Variants in TIAM1 observed in about 807,000 individuals in gnomAD.
The protein encoded by TIAM1 is rho guanine nucleotide exchange factor TIAM1.
A neutral mutation model predicts 163.5 loss-of-function variants in TIAM1; 65 were observed. The ratio of observed to expected loss-of-function variants is 0.40; its 90% CI spans 0.33 to 0.49. TIAM1 has a LOEUF of 0.49. Among genes scored for constraint, TIAM1 ranks in the 20% least tolerant of loss-of-function variants. The pLI is 0.77. For synonymous variants in TIAM1, 833 were observed against 810.1 expected (o/e 1.03, Z -0.48); for missense variants, 1,789 against 2,044.7 (o/e 0.87, Z 2.41).
At chr21:31,144,830 G>GAAAAAAAAA (rs764835303) in intron 20 of TIAM1, among the ~76,000 whole-genome samples, 190 of 74,468 alleles carry the variant, frequency 2.6e-3, no homozygotes, top group South Asian at 3.6e-3. Context: ...CTCCATCTCA[G>GAAAAAAAAA]AAAAAAAAAA....
intron 2 of TIAM1, among the ~76,000 whole-genome samples, chr21:31,407,340 T>A (rs1316671327): frequency 6.6e-6 from 1 of 152,132 alleles, no homozygotes; most frequent in Non-Finnish European, 1.5e-5. Context: ...ATTTTATTAA[T>A]TTACACACCA....
At chr21:31,516,178 AAGGCAGGCAGATC>A (rs2047376321) in intron 1 of TIAM1, among the ~76,000 whole-genome samples, 1 of 151,704 alleles carries the variant, frequency 6.6e-6, no homozygotes, top group Non-Finnish European at 1.5e-5. Context: ...CTGAGAGGCC[AAGGCAGGCAGATC>A]ACCTGAGGCC....
At chr21:31,391,647 G>A (rs571273065) in intron 2 of TIAM1, among the ~76,000 whole-genome samples, 130 of 152,046 alleles carry the variant, frequency 8.6e-4, no homozygotes, top group Non-Finnish European at 1.2e-3. Context: ...ACAAAACAAC[G>A]GAAAGTCTAT....
chr21:31,325,488 C>T (rs2075455718), intron 2 of TIAM1, among the ~76,000 whole-genome samples: 1 of 151,816 alleles, frequency 6.6e-6, no homozygotes, highest in East Asian at 1.9e-4. Flanking sequence ...GCCAACACGG[C>T]AAAACCCTGT....
intron 6 of TIAM1, among the ~76,000 whole-genome samples, chr21:31,241,052 C>T (rs2071146749): frequency 1.3e-5 from 2 of 152,208 alleles, no homozygotes; most frequent in Admixed American, 1.3e-4. Context: ...CACATGCTCT[C>T]TCTTGTCTGC....
intron 2 of TIAM1, among the ~76,000 whole-genome samples, chr21:31,279,431 A>C (rs934538277): frequency 1.3e-5 from 2 of 152,150 alleles, no homozygotes; most frequent in African/African-American, 4.8e-5. Flanking sequence ...AACTATCAGT[A>C]CTCTGGGTTT....
intron 1 of TIAM1, among the ~76,000 whole-genome samples, chr21:31,535,158 G>GA (rs1185534596): frequency 6.6e-6 from 1 of 151,466 alleles, no homozygotes; most frequent in Non-Finnish European, 1.5e-5. Flanking sequence ...CAAGGCAGGC[G>GA]AATCACAAGG....
intron 22 of TIAM1, among the ~76,000 whole-genome samples, chr21:31,137,983 G>A (rs2082690350): frequency 6.6e-6 from 1 of 151,320 alleles, no homozygotes; most frequent in Non-Finnish European, 1.5e-5. Flanking sequence ...GTTTTTCTCT[G>A]GACAAGCTTC....
chr21:31,120,750 CT>C lies in TIAM1; in HGVS notation c.4393del (p.Ser1465AlafsTer20). Reference sequence around the variant, plus strand: ...CTGCTGGGACTCTTTCTCCGGGCTGCTTGCGGAGACGGCATCAGAATCAATG... The same window carrying C: ...CTGCTGGGACTCTTTCTCCGGGCTGCTGCGGAGACGGCATCAGAATCAATG... ...FTIDSDAVSA[S>X]SPEKESQQPP... On this transcript the variant is annotated frameshift_variant, in exon 28 of 28. Transcript: ENST00000541036. LOFTEE classifies it high-confidence loss of function. The surrounding 1 kb of genome is among the most constrained non-coding windows in gnomAD (Gnocchi z 4.2). 6.2e-7 allele frequency: 1 copy of C among 1,614,112 alleles called. No homozygotes were observed. Among genetic ancestry groups the C allele is most frequent in the African/African-American group, 1.3e-5 (1 of 75,054 alleles).
chr21:31,229,309 C>G (rs1308139842), intron 6 of TIAM1, among the ~76,000 whole-genome samples: 2 of 152,080 alleles, frequency 1.3e-5, no homozygotes, highest in Non-Finnish European at 2.9e-5. Context: ...TAAACACCAT[C>G]AAAATGTGCC....
chr21:31,530,641 C>T (rs1406825523), intron 1 of TIAM1, among the ~76,000 whole-genome samples: 2 of 152,162 alleles, frequency 1.3e-5, no homozygotes, highest in Non-Finnish European at 2.9e-5. Context: ...CACACCTGGA[C>T]GCCTCCTGGT....
intron 1 of TIAM1, among the ~76,000 whole-genome samples, chr21:31,500,718 G>A (rs2147445890): frequency 6.6e-6 from 1 of 152,272 alleles, no homozygotes; most frequent in East Asian, 1.9e-4. Flanking sequence ...TACAAGTCAA[G>A]GAACTCCAAA....
At chr21:31,440,405 C>T (rs1191017648) in intron 2 of TIAM1, among the ~76,000 whole-genome samples, 1 of 152,148 alleles carries the variant, frequency 6.6e-6, no homozygotes, top group African/African-American at 2.4e-5. Context: ...GCTGACTCCC[C>T]CAGTCCCCAA....
At chr21:31,302,647 G>A (rs1360558841) in intron 2 of TIAM1, among the ~76,000 whole-genome samples, 1 of 152,108 alleles carries the variant, frequency 6.6e-6, no homozygotes, top group African/African-American at 2.4e-5. Flanking sequence ...GCTGCATAAC[G>A]GCCAAGTCTG....
chr21:31,476,066 G>A (rs540966128), intron 1 of TIAM1, among the ~76,000 whole-genome samples: 50 of 152,296 alleles, frequency 3.3e-4, no homozygotes, highest in Non-Finnish European at 1.5e-5. Context: ...AGACATTTCT[G>A]TTGGAAAAGC....
intron 15 of TIAM1, among the ~76,000 whole-genome samples, chr21:31,174,277 G>C (rs532613311): frequency 6.6e-6 from 1 of 152,376 alleles, no homozygotes; most frequent in East Asian, 1.9e-4. Context: ...TGCAGACCAA[G>C]CGGCTGTCCG....
At chr21:31,436,095 A>G (rs967939365) in intron 2 of TIAM1, among the ~76,000 whole-genome samples, 10 of 152,200 alleles carry the variant, frequency 6.6e-5, no homozygotes, top group African/African-American at 2.4e-4. Context: ...CTGTGAAGAA[A>G]CTTGGCTATT....
In TIAM1 at chr21:31,164,992, T is replaced by C; in HGVS notation, c.2961A>G (p.Glu987=). ...APEETEGPDL[E]SSDETDHSSK... is the part of the protein sequence containing the mutation. ...TGCTGTGATCAGTCTCATCTGAGGATTCCAAGTCTGGCCCCTCGGTCTCCT... is the reference window on the plus strand; with the variant it reads ...TGCTGTGATCAGTCTCATCTGAGGACTCCAAGTCTGGCCCCTCGGTCTCCT... The change falls in exon 16 of 28, where the codon GAA becomes GAG. Residue 987 remains glutamate (E), a synonymous_variant. Coordinates refer to ENST00000541036, the MANE Select transcript of TIAM1 (RefSeq NM_001353694.2). The C allele has an allele frequency of 6.2e-7, 1 of 1,614,174 alleles. No individual in the cohort carries two copies. The highest frequency in any genetic ancestry group is 1.1e-5 in the South Asian group (1 of 91,080).
In TIAM1 at chr21:31,363,101, G is replaced by A. The variant is rs77795381; in HGVS notation, c.-368-23679C>T. Among the ~76,000 whole-genome samples, 1,053 of 152,216 alleles carry A rather than the reference G, an allele frequency of 6.9e-3. 9 individuals are homozygous for A. Among genetic ancestry groups the A allele is most frequent in the African/African-American group, 0.023 (959 of 41,520 alleles). On this transcript the variant is annotated intron_variant, in intron 2 of 28. Coordinates refer to the TIAM1 transcript ENST00000286827. ...GTGATTGGTCCAGGGGTGGGTTCAC[G>A]ATCGATATTAGCTAATCAGAGAAAT... is the stretch of plus-strand genomic sequence containing the variant.
Sources: gnomAD v4.1 joint callset for allele counts (sites outside exome capture counted in the v4.1 genomes callset) on GRCh38, gnomAD v4.1.1 for gene constraint, Gnocchi (gnomAD v3.1) non-coding constraint, MANE v1.5 for transcripts, NCBI Gene and HGNC (gene_info 2026-07-23, HGNC 2026-07-21) for gene names.